PAPSS2: variants seen among roughly 807,000 people sequenced by gnomAD.
The protein encoded by PAPSS2 is 3'-phosphoadenosine 5'-phosphosulfate synthase 2, also known as bifunctional 3'-phosphoadenosine 5'-phosphosulfate synthase 2.
PAPSS2 carries 61 observed loss-of-function variants against 66.5 expected under a neutral mutation model. The ratio of observed to expected loss-of-function variants is 0.92; its 90% confidence interval spans 0.75 to 1.14. The LOEUF (loss-of-function observed/expected upper bound fraction) is 1.14, where lower values mean the gene tolerates loss of function less well. PAPSS2 is among the 50% of genes most tolerant of loss of function. The pLI is 0.00. For missense variants in PAPSS2, 708 were observed against 789.6 expected, an observed-to-expected ratio of 0.90 and a Z score of 1.24; for synonymous variants, 289 against 287.5, an observed-to-expected ratio of 1.01 and a Z score of -0.05.
chr10:87,692,486 A>G (rs1207691657), intron 1 of PAPSS2, among the ~76,000 whole-genome samples: 1 of 152,192 alleles, frequency 6.6e-6, no homozygotes, highest in Admixed American at 6.5e-5. Context: ...TCTATGGAAG[A>G]GCGATGAGAA....
chr10:87,676,230 T>G (rs1315173293), intron 1 of PAPSS2, among the ~76,000 whole-genome samples: 1 of 152,088 alleles, frequency 6.6e-6, no homozygotes, highest in Non-Finnish European at 1.5e-5. Context: ...TTTGCCCGAT[T>G]CCCATATCAC....
At chr10:87,713,915 C>T in intron 3 of PAPSS2, 129 bp from the exon 4 acceptor site, 1 of 937,786 alleles carries the variant, frequency 1.1e-6, no homozygotes, top group Non-Finnish European at 1.7e-6. Context: ...GACTTTCTCT[C>T]AAGCACTCTG....
chr10:87,672,772 G>T (rs1465349176), intron 1 of PAPSS2, among the ~76,000 whole-genome samples: 1 of 152,160 alleles, frequency 6.6e-6, no homozygotes, highest in East Asian at 1.9e-4. Flanking sequence ...TATCCTGTGG[G>T]CCAAACCACA....
intron 1 of PAPSS2, among the ~76,000 whole-genome samples, chr10:87,702,760 C>A (rs1322974022): frequency 6.6e-6 from 1 of 152,094 alleles, no homozygotes; most frequent in Admixed American, 6.5e-5. Context: ...AAGCTTTGGG[C>A]TTTGGTAAGC....
chr10:87,699,403 C>G (rs1355446988), intron 1 of PAPSS2, among the ~76,000 whole-genome samples: 1 of 152,216 alleles, frequency 6.6e-6, no homozygotes, highest in East Asian at 1.9e-4. Context: ...TTACCTCAGC[C>G]TCTCCAGTTG....
chr10:87,693,896 T>C (rs536772261), intron 1 of PAPSS2, among the ~76,000 whole-genome samples: 1 of 152,360 alleles, frequency 6.6e-6, no homozygotes, highest in African/African-American at 2.4e-5. Flanking sequence ...CAGGTCTCAC[T>C]TGAAGAAATC....
chr10:87,712,332 C>T (rs1416679015), intron 2 of PAPSS2, among the ~76,000 whole-genome samples: 1 of 152,186 alleles, frequency 6.6e-6, no homozygotes, highest in Non-Finnish European at 1.5e-5. Flanking sequence ...TTACCAGTCT[C>T]CAGGGGCTGG....
chr10:87,666,075 C>T (rs964630546), intron 1 of PAPSS2, among the ~76,000 whole-genome samples: 33 of 151,450 alleles, frequency 2.2e-4, no homozygotes, highest in African/African-American at 2.9e-4. Flanking sequence ...GCGATTCTCA[C>T]GCCTCGGCCT....
chr10:87,736,585 G>C (rs902406518), intron 9 of PAPSS2, among the ~76,000 whole-genome samples: 3 of 151,974 alleles, frequency 2.0e-5, no homozygotes, highest in Non-Finnish European at 4.4e-5. Context: ...TTTTTCATTA[G>C]TTTCACCATT....
At chr10:87,662,525 C>A (rs972138898) in intron 1 of PAPSS2, among the ~76,000 whole-genome samples, 1 of 152,012 alleles carries the variant, frequency 6.6e-6, no homozygotes, top group Non-Finnish European at 1.5e-5. Context: ...TCATTTCCAC[C>A]CCTCACTTAC....
At chr10:87,744,473 A>G (rs1719980100) in intron 11 of PAPSS2, among the ~76,000 whole-genome samples, 1 of 152,170 alleles carries the variant, frequency 6.6e-6, no homozygotes, top group Non-Finnish European at 1.5e-5. Flanking sequence ...TAATGAATTA[A>G]TTCTCTTCAA....
chr10:87,660,850 A>G (rs560422463), intron 1 of PAPSS2: 1 of 225,552 alleles, frequency 4.4e-6, no homozygotes, highest in African/African-American at 2.3e-5. Flanking sequence ...AGCAGTAATC[A>G]TAGACTCTTA....
At position 87,745,224 on chromosome 10, in the gene PAPSS2, C is replaced by A. The variant is rs762993901; in HGVS notation, c.1714C>A (p.Pro572Thr). The change falls in exon 12 of 13, where the codon CCA becomes ACA. Residue 572 changes from proline to threonine, a missense_variant. Physicochemically the swap from Pro to Thr is conservative, Grantham distance 38. Coordinates refer to ENST00000456849, the MANE Select transcript of PAPSS2 (RefSeq NM_001015880.2). Reference protein sequence around the residue: ...KAKKAMDFYDPARHNEFDFIS... With the variant: ...KAKKAMDFYDTARHNEFDFIS... ...CAAAAAAGCCATGGACTTCTATGAT[C>A]CAGCAAGGTAGGTTTTCAGAGGAAA... 7.5e-6 allele frequency: 12 copies of A among 1,610,200 alleles called. No individual in the cohort carries two copies. Among genetic ancestry groups the A allele is most frequent in the South Asian group, 1.1e-5 (1 of 90,562 alleles).
chr10:87,732,933 A>T (rs1274705099), intron 9 of PAPSS2, among the ~76,000 whole-genome samples: 1 of 152,184 alleles, frequency 6.6e-6, no homozygotes, highest in Non-Finnish European at 1.5e-5. Context: ...AGAGAAAGCC[A>T]CTCACCCTGC....
At chr10:87,720,799 G>T (rs1326671044) in intron 7 of PAPSS2, among the ~76,000 whole-genome samples, 2 of 152,088 alleles carry the variant, frequency 1.3e-5, no homozygotes, top group East Asian at 3.8e-4. Context: ...TGATAATTGT[G>T]TAGTATGAGT....
chr10:87,709,024 A>G (rs575055162), intron 1 of PAPSS2, among the ~76,000 whole-genome samples, 172 bp from the exon 2 acceptor site: 1 of 152,318 alleles, frequency 6.6e-6, no homozygotes, highest in African/African-American at 2.4e-5. Flanking sequence ...GCAGAAATGA[A>G]AAAAACTATA....
At chr10:87,736,263 C>CTTTTTTTTTTTTTTT (rs10553485) in intron 9 of PAPSS2, among the ~76,000 whole-genome samples, 3 of 103,250 alleles carry the variant, frequency 2.9e-5, no homozygotes, top group Non-Finnish European at 3.9e-5. Flanking sequence ...TTCTTTCTTT[C>CTTTTTTTTTTTTTTT]TTTTTTTTTT....
intron 1 of PAPSS2, among the ~76,000 whole-genome samples, chr10:87,676,598 C>T (rs1312395995): frequency 6.6e-6 from 1 of 152,200 alleles, no homozygotes; most frequent in East Asian, 1.9e-4. Context: ...TGCCTGACTT[C>T]GTTTATCTGA....
At chr10:87,675,599 T>C (rs926167970) in intron 1 of PAPSS2, among the ~76,000 whole-genome samples, 2 of 152,228 alleles carry the variant, frequency 1.3e-5, no homozygotes, top group African/African-American at 4.8e-5. Flanking sequence ...GATTTACTTA[T>C]ACCTGCATGG....
Sources: gnomAD v4.1 joint callset for allele counts (sites outside exome capture counted in the v4.1 genomes callset) on GRCh38, gnomAD v4.1.1 for gene constraint, MANE v1.5 for transcripts, NCBI Gene and HGNC (gene_info 2026-07-23, HGNC 2026-07-21) for gene names.